Variants in TOGARAM2 observed in about 807,000 individuals in gnomAD.
The protein encoded by TOGARAM2 is TOG array regulator of axonemal microtubules protein 2.
Under a neutral mutation model 93.3 loss-of-function variants are expected in TOGARAM2, and 85 were observed. The ratio of observed to expected loss-of-function variants is 0.91; its 90% CI spans 0.76 to 1.09. TOGARAM2 has a LOEUF of 1.09. TOGARAM2 is among the 50% of genes least tolerant of loss of function. The probability of loss-of-function intolerance (pLI) is 0.00; values close to 1 mark genes in which losing one functional copy is unlikely to be tolerated. For synonymous variants in TOGARAM2, 593 were observed against 552.8 expected, an observed-to-expected ratio of 1.07 and a Z score of -1.02; for missense variants, 1,277 against 1,334.5, an observed-to-expected ratio of 0.96 and a Z score of 0.67.
intron 14 of TOGARAM2, chr2:29,032,637 A>G: frequency 3.6e-6 from 1 of 279,080 alleles, no homozygotes; most frequent in Non-Finnish European, 6.8e-6. Flanking sequence ...TGAATGATAA[A>G]GTGAAAAAGC....
At position 29,052,049 on chromosome 2, in the gene TOGARAM2, G is replaced by A; in HGVS notation, c.3016G>A (p.Asp1006Asn). ...RKATDRGVAPDSKTTGSSYPF... is the reference protein window; with the variant it reads ...RKATDRGVAPNSKTTGSSYPF... ...GGCCACTGACAGAGGGGTGGCCCCT[G>A]ACAGCAAGACAACTGGCAGCTCATA... is the stretch of plus-strand genomic sequence containing the variant. The change falls in exon 20 of 20, where the codon GAC becomes AAC. Residue 1006 changes from aspartate to asparagine, a missense_variant. By Grantham distance (23) the Asp-to-Asn change is conservative. Coordinates refer to ENST00000379558, the MANE Select transcript of TOGARAM2 (RefSeq NM_199280.4). The A allele has an allele frequency of 6.2e-7, 1 of 1,605,430 alleles. No homozygotes were observed. The highest frequency in any genetic ancestry group is 8.5e-7 in the Non-Finnish European group (1 of 1,173,652).
intron 1 of TOGARAM2, among the ~76,000 whole-genome samples, chr2:28,985,902 G>C (rs534422210): frequency 6.6e-6 from 1 of 152,044 alleles, no homozygotes; most frequent in Non-Finnish European, 1.5e-5. Context: ...TCAGGAGTTC[G>C]AGACCAGCCT....
At chr2:28,966,590 C>T (rs1558392719) in intron 1 of TOGARAM2, among the ~76,000 whole-genome samples, 2 of 152,162 alleles carry the variant, frequency 1.3e-5, no homozygotes, top group African/African-American at 2.4e-5. Flanking sequence ...GCCACCGTGC[C>T]TGGCCAAATT....
intron 14 of TOGARAM2, among the ~76,000 whole-genome samples, chr2:29,027,237 C>T (rs898883260): frequency 6.6e-6 from 1 of 152,200 alleles, no homozygotes; most frequent in Non-Finnish European, 1.5e-5. Context: ...CTTCCATTTC[C>T]CCTCTTACCC....
chr2:29,040,467 A>G (rs902092411), intron 18 of TOGARAM2, among the ~76,000 whole-genome samples: 1 of 152,208 alleles, frequency 6.6e-6, no homozygotes, highest in Non-Finnish European at 1.5e-5. Flanking sequence ...TGGTTGTTGT[A>G]GGGTAAATCC....
At chr2:28,965,562 G>A (rs889320784) in intron 1 of TOGARAM2, among the ~76,000 whole-genome samples, 1 of 152,202 alleles carries the variant, frequency 6.6e-6, no homozygotes, top group Non-Finnish European at 1.5e-5. Flanking sequence ...CTCAGATGCC[G>A]TGTAAGCCCT....
intron 1 of TOGARAM2, among the ~76,000 whole-genome samples, chr2:28,968,847 A>G (rs1182015808): frequency 6.8e-6 from 1 of 147,170 alleles, no homozygotes; most frequent in Non-Finnish European, 1.5e-5. Context: ...AAAACAAGGA[A>G]AAAGAAAAAA....
Position 28,991,543 on chromosome 2 carries a change from C to G in TOGARAM2, c.-110-3182C>G, listed in dbSNP as rs1672732740. Reference sequence around the variant, plus strand: ...AGATGAGAACTCTGGCTGGAGACGTCTCAGAGGTCTCTGAAAGTCGGAGCG... The same window carrying G: ...AGATGAGAACTCTGGCTGGAGACGTGTCAGAGGTCTCTGAAAGTCGGAGCG... On this transcript the variant is annotated intron_variant, in intron 1 of 19. Transcript: ENST00000379558. Among the ~76,000 whole-genome samples, 3 of 152,318 alleles carry G rather than the reference C, an allele frequency of 2.0e-5. No homozygotes were observed. In the South Asian group the frequency reaches 6.2e-4, roughly 32 times the overall value.
intron 19 of TOGARAM2, chr2:29,051,274 G>A (rs11688378): frequency 0.092 from 13,964 of 152,436 alleles, 696 homozygotes; most frequent in East Asian, 0.15. Context: ...GTATATTATC[G>A]AATTTCTAAC....
intron 5 of TOGARAM2, among the ~76,000 whole-genome samples, 164 bp downstream of exon 5, chr2:29,002,911 A>G (rs1470634863): frequency 6.6e-6 from 1 of 152,150 alleles, no homozygotes; most frequent in Non-Finnish European, 1.5e-5. Context: ...GAGAGGCTCA[A>G]GGTGCTCATT....
rs191157883 is a variant in TOGARAM2 at position 28,976,167 on chromosome 2, G to A, written c.-146-18558G>A. Among the ~76,000 whole-genome samples the A allele has an allele frequency of 1.1e-3, 170 of 152,240 alleles. 3 individuals are homozygous for A. The highest frequency in any genetic ancestry group is 3.7e-3 in the African/African-American group (155 of 41,530). The stretch of plus-strand genomic sequence containing the variant: ...GGATGGATCACGAGGTCAGGAGATC[G>A]AGACCATCCTGGCTAACATGGTGAA... On this transcript the variant is annotated intron_variant, in intron 1 of 6. Transcript: ENST00000401723.
At chr2:28,969,574 A>T (rs936224100) in intron 1 of TOGARAM2, among the ~76,000 whole-genome samples, 1 of 152,186 alleles carries the variant, frequency 6.6e-6, no homozygotes. Flanking sequence ...AAAAACGCCC[A>T]AACAAAAAGT....
At position 28,975,977 on chromosome 2, in the gene TOGARAM2, ATAT is replaced by A. The variant is rs148502395; in HGVS notation, c.-146-18744_-146-18742del. ...ACAATATATGTACAGGAATATGTAC[ATAT>A]TATAAGTATGTGAAACATATGCTTA... On this transcript the variant is annotated intron_variant, in intron 1 of 6. Coordinates refer to the TOGARAM2 transcript ENST00000401723. Among the ~76,000 whole-genome samples the A allele has an allele frequency of 8.3e-3, 1,214 of 147,054 alleles. 13 individuals are homozygous for A. The highest frequency in any genetic ancestry group is 0.038 in the Middle Eastern group (11 of 288).
At chr2:29,014,582 G>T (rs1044788484) in intron 8 of TOGARAM2, 21 bp downstream of exon 8, 1 of 1,557,700 alleles carries the variant, frequency 6.4e-7, no homozygotes, top group African/African-American at 1.4e-5. Context: ...AGCGGGAGGA[G>T]GAGGAAGTGG....
rs1456483697 is a variant in TOGARAM2 at position 29,024,449 on chromosome 2, AAAG to A, written c.1853+79_1853+81del. 193 of 1,246,098 alleles carry A rather than the reference AAAG, an allele frequency of 1.5e-4. No homozygotes were observed. The African/African-American group carries it at 2.6e-3, about 16-fold the overall frequency. The allele number at this position is 1,246,098 out of a possible 1,614,324, so 77.2% of individuals were successfully genotyped here. On this transcript the variant is annotated intron_variant, in intron 13 of 19. Transcript: ENST00000379558. Reference sequence around the variant, plus strand: ...GCAAGGGGAGAGGCCCTGGGATGTGAAAGAAGGAGGGAAGGGTGCAGGGAGGGA... The same window carrying A: ...GCAAGGGGAGAGGCCCTGGGATGTGAAAGGAGGGAAGGGTGCAGGGAGGGA...
chr2:29,014,723 C>T (rs542414932), intron 8 of TOGARAM2, among the ~76,000 whole-genome samples, 162 bp downstream of exon 8: 13 of 151,534 alleles, frequency 8.6e-5, no homozygotes, highest in South Asian at 6.3e-4. Flanking sequence ...AACCTGCAGA[C>T]GGGGTTGGGG....
chr2:29,047,957 C>T (rs921099), intron 19 of TOGARAM2: 53,546 of 151,940 alleles, frequency 0.35, 10,527 homozygotes, highest in Admixed American at 0.43. Context: ...CTGGGTTTGG[C>T]TCTTGAGATA....
At chr2:29,024,100 G>A (rs1292961458) in intron 12 of TOGARAM2, 39 bp from the exon 13 acceptor site, 2 of 1,525,084 alleles carry the variant, frequency 1.3e-6, no homozygotes, top group Admixed American at 2.0e-5. Flanking sequence ...GCCCTTGGCA[G>A]GGTCCAGCAC....
intron 13 of TOGARAM2, among the ~76,000 whole-genome samples, chr2:29,026,227 T>C (rs1665351174): frequency 2.0e-5 from 3 of 152,224 alleles, no homozygotes; most frequent in Admixed American, 6.5e-5. Flanking sequence ...CTCTGTACAT[T>C]CAGGCCTTTT....
Sources: gnomAD v4.1 joint callset for allele counts (sites outside exome capture counted in the v4.1 genomes callset) on GRCh38, gnomAD v4.1.1 for gene constraint, MANE v1.5 for transcripts, NCBI Gene and HGNC (gene_info 2026-07-23, HGNC 2026-07-21) for gene names.